CDH8: variants seen among roughly 807,000 people sequenced by gnomAD.
CDH8 encodes cadherin-8.
Under a neutral mutation model 68.1 loss-of-function variants are expected in CDH8, and 17 were observed. The ratio of observed to expected loss-of-function variants is 0.25; its 90% CI spans 0.17 to 0.37. The LOEUF is 0.37. Among genes scored for constraint, CDH8 ranks in the 10% least tolerant of loss-of-function variants. CDH8 has a pLI of 1.00. For missense variants in CDH8, 763 were observed against 999.3 expected (o/e 0.76, Z 3.19); for synonymous variants, 372 against 365.1 (o/e 1.02, Z -0.21).
intron 8 of CDH8, among the ~76,000 whole-genome samples, chr16:61,729,424 G>A (rs963099749): frequency 5.3e-5 from 8 of 151,162 alleles, no homozygotes; most frequent in Middle Eastern, 6.8e-3. Flanking sequence ...ATCAAATACC[G>A]AATGTCTAAG....
intron 4 of CDH8, among the ~76,000 whole-genome samples, chr16:61,834,091 A>G (rs1288793539): frequency 6.6e-6 from 1 of 151,954 alleles, no homozygotes; most frequent in African/African-American, 2.4e-5. Flanking sequence ...AGAAGATAGG[A>G]GAGAATGAAG....
chr16:61,879,318 CTCAAT>C, intron 3 of CDH8, among the ~76,000 whole-genome samples: 1 of 152,200 alleles, frequency 6.6e-6, no homozygotes, highest in Middle Eastern at 3.2e-3. Context: ...TGAACACTTT[CTCAAT>C]TAAACAGCTA....
intron 10 of CDH8, among the ~76,000 whole-genome samples, chr16:61,687,696 G>C (rs1273327079): frequency 6.6e-6 from 1 of 151,838 alleles, no homozygotes; most frequent in Non-Finnish European, 1.5e-5. Flanking sequence ...AGACTTTTCG[G>C]GTTTAAATCT....
chr16:61,676,520 A>T (rs1160780219), intron 10 of CDH8, among the ~76,000 whole-genome samples: 1 of 152,090 alleles, frequency 6.6e-6, no homozygotes. Context: ...GTAGAAAAGC[A>T]CATGATCATT....
At chr16:61,764,030 C>A (rs1042577217) in intron 8 of CDH8, among the ~76,000 whole-genome samples, 3 of 151,972 alleles carry the variant, frequency 2.0e-5, no homozygotes, top group Admixed American at 6.6e-5. Context: ...ACATATGAAT[C>A]GAATGAATTA....
At chr16:61,819,010 A>AAGCACATGCATCCATGAAT (rs1244964683) in intron 6 of CDH8, among the ~76,000 whole-genome samples, 17 of 149,144 alleles carry the variant, frequency 1.1e-4, no homozygotes, top group Non-Finnish European at 2.1e-4. Context: ...TAAAATTACT[A>AAGCACATGCATCCATGAAT]AGCACATGCA....
chr16:61,921,040 T>A (rs1020807260), intron 2 of CDH8, among the ~76,000 whole-genome samples: 7 of 136,772 alleles, frequency 5.1e-5, no homozygotes, highest in Non-Finnish European at 4.7e-5. Flanking sequence ...CACTCGTAGG[T>A]GGGAATTGAA....
At chr16:61,769,965 C>T (rs1348449779) in intron 8 of CDH8, among the ~76,000 whole-genome samples, 5 of 151,756 alleles carry the variant, frequency 3.3e-5, no homozygotes, top group Non-Finnish European at 7.4e-5. Context: ...AAAGATGAAC[C>T]TTGTTTAGAG....
rs148775896 is a variant in CDH8 at position 62,011,806 on chromosome 16, T to C, written c.252+9346A>G. 4.2e-3 allele frequency among the ~76,000 whole-genome samples: 636 copies of C among 152,334 alleles called. 1 individual carries two copies. The highest frequency in any genetic ancestry group is 7.1e-3 in the Non-Finnish European group (484 of 68,016). On this transcript the variant is annotated intron_variant, in intron 2 of 11. Coordinates refer to ENST00000577390, the MANE Select transcript of CDH8 (RefSeq NM_001796.5). ...TGAGTAATAAAAATGTAGTGTATTA[T>C]ATTTCTCCTCTAGGATATAACATCT...
chr16:61,751,005 A>G (rs1334598091), intron 8 of CDH8, among the ~76,000 whole-genome samples: 1 of 152,116 alleles, frequency 6.6e-6, no homozygotes, highest in Non-Finnish European at 1.5e-5. Context: ...ATGAATAACA[A>G]TGAGTACAGT....
At chr16:61,991,355 C>G (rs1965718315) in intron 2 of CDH8, among the ~76,000 whole-genome samples, 2 of 152,086 alleles carry the variant, frequency 1.3e-5, no homozygotes, top group Admixed American at 1.3e-4. Flanking sequence ...CTCTCATTTC[C>G]CCATAGAAAC....
intron 8 of CDH8, among the ~76,000 whole-genome samples, chr16:61,733,097 G>T (rs1390500601): frequency 1.3e-5 from 2 of 151,784 alleles, no homozygotes; most frequent in Admixed American, 1.3e-4. Context: ...TAATGTATAT[G>T]TATAAGATGT....
intron 1 of CDH8, among the ~76,000 whole-genome samples, chr16:62,033,462 C>A (rs1166168965): frequency 1.3e-5 from 2 of 152,092 alleles, no homozygotes; most frequent in Non-Finnish European, 2.9e-5. Context: ...ATCCTACACA[C>A]CAGAAATGCA....
At chr16:61,818,505 T>G (rs959757052) in intron 6 of CDH8, among the ~76,000 whole-genome samples, 2 of 152,128 alleles carry the variant, frequency 1.3e-5, no homozygotes, top group African/African-American at 4.8e-5. Flanking sequence ...TAAAAGCAAT[T>G]TGAAATTACC....
intron 10 of CDH8, among the ~76,000 whole-genome samples, chr16:61,709,959 C>CG (rs1964602453): frequency 6.6e-6 from 1 of 152,060 alleles, no homozygotes; most frequent in Non-Finnish European, 1.5e-5. Flanking sequence ...GATGAAGCCA[C>CG]GTTCAAAATC....
intron 7 of CDH8, among the ~76,000 whole-genome samples, chr16:61,793,893 G>A (rs1184469663): frequency 2.6e-5 from 4 of 151,864 alleles, no homozygotes; most frequent in Admixed American, 6.6e-5. Context: ...ATTTCTATAC[G>A]GTTTATAAGC....
chr16:61,780,169 C>T (rs1423930641), intron 8 of CDH8, among the ~76,000 whole-genome samples: 2 of 152,154 alleles, frequency 1.3e-5, no homozygotes, highest in Non-Finnish European at 2.9e-5. Flanking sequence ...TTTCATTATT[C>T]AGCTAAATTT....
In CDH8 at chr16:61,714,022, G is replaced by T; in HGVS notation, c.1537-64C>A. Reference sequence around the variant, plus strand: ...TCAGAGGCTCCTGCCATCGGTAAAAGCTTAGTGACATTCTTTTTGTGGTCT... The same window carrying T: ...TCAGAGGCTCCTGCCATCGGTAAAATCTTAGTGACATTCTTTTTGTGGTCT... On this transcript the variant is annotated intron_variant, in intron 9 of 11. Coordinates refer to ENST00000577390, the MANE Select transcript of CDH8 (RefSeq NM_001796.5). The T allele has an allele frequency of 4.2e-6, 4 of 951,954 alleles. No individual in the cohort carries two copies. In the Admixed American group the frequency reaches 7.2e-5, roughly 17 times the overall value. 59.0% of individuals were successfully genotyped at this position (951,954 alleles called of 1,614,324 possible).
intron 2 of CDH8, among the ~76,000 whole-genome samples, chr16:61,943,214 T>C (rs1964751690): frequency 6.6e-6 from 1 of 152,190 alleles, no homozygotes; most frequent in Non-Finnish European, 1.5e-5. Flanking sequence ...GACACTAGAA[T>C]ATAAACTTCA....
Sources: allele counts gnomAD v4.1 joint callset (sites outside exome capture counted in the v4.1 genomes callset), GRCh38; gene constraint gnomAD v4.1.1; transcripts MANE v1.5; gene names NCBI Gene and HGNC (gene_info 2026-07-23, HGNC 2026-07-21).